MAGI3: variants seen among roughly 807,000 people sequenced by gnomAD.
MAGI3 encodes the protein membrane-associated guanylate kinase, WW and PDZ domain-containing protein 3.
Under a neutral mutation model 121.8 loss-of-function variants are expected in MAGI3, and 43 were observed. That is an observed-to-expected ratio of 0.35 (90% CI 0.28 to 0.46). The LOEUF is 0.46. Among genes scored for constraint, MAGI3 ranks in the 20% least tolerant of loss-of-function variants. MAGI3 has a pLI of 1.00. For synonymous variants in MAGI3, 553 were observed against 639.3 expected, an observed-to-expected ratio of 0.86 and a Z score of 2.04; for missense variants, 1,547 against 1,797.3, an observed-to-expected ratio of 0.86 and a Z score of 2.52.
chr1:113,556,827 A>G (rs1660012050), intron 2 of MAGI3, among the ~76,000 whole-genome samples: 1 of 151,982 alleles, frequency 6.6e-6, no homozygotes. Context: ...TGGCCTCCCA[A>G]AGTGTTGGAA....
In MAGI3 at chr1:113,683,510, A is replaced by G. The variant is rs1230435741; in HGVS notation, c.3942A>G (p.Arg1314=). The change falls in exon 21 of 21, where the codon CGA becomes CGG. Residue 1314 remains arginine, a synonymous_variant. Coordinates refer to ENST00000307546, the MANE Select transcript of MAGI3 (RefSeq NM_001142782.2). ...AEAKLLEGKS[R]RIAGYTGSNA... ...CCAAATTATTAGAGGGTAAGAGTCG[A>G]AGAATAGCAGGCTATACGGGCAGTA... 3 of 1,614,030 alleles carry G rather than the reference A, an allele frequency of 1.9e-6. No homozygotes were observed. Among genetic ancestry groups the G allele is most frequent in the South Asian group, 1.1e-5 (1 of 91,084 alleles).
chr1:113,419,326 C>G (rs1652615973), intron 1 of MAGI3, among the ~76,000 whole-genome samples: 2 of 152,026 alleles, frequency 1.3e-5, no homozygotes, highest in African/African-American at 4.8e-5. Flanking sequence ...CCTGGGGACT[C>G]TACAGGTTAA....
At chr1:113,575,205 A>G (rs1010134125) in intron 2 of MAGI3, among the ~76,000 whole-genome samples, 1 of 152,276 alleles carries the variant, frequency 6.6e-6, no homozygotes, top group South Asian at 2.1e-4. Flanking sequence ...CATCAAACTC[A>G]TTCTCTGTCC....
At chr1:113,666,129 C>T (rs910864113) in intron 16 of MAGI3, among the ~76,000 whole-genome samples, 2 of 152,128 alleles carry the variant, frequency 1.3e-5, no homozygotes, top group Admixed American at 6.5e-5. Flanking sequence ...GAGGGTCTTG[C>T]CTCGATGTTG....
chr1:113,564,458 G>A (rs1660356754), intron 2 of MAGI3, among the ~76,000 whole-genome samples: 1 of 152,156 alleles, frequency 6.6e-6, no homozygotes, highest in African/African-American at 2.4e-5. Flanking sequence ...AGAGAAACTG[G>A]CAAGATAAAA....
intron 1 of MAGI3, among the ~76,000 whole-genome samples, chr1:113,519,118 A>C (rs1324333408): frequency 6.6e-6 from 1 of 152,086 alleles, no homozygotes; most frequent in Non-Finnish European, 1.5e-5. Context: ...GGCTATTAAA[A>C]TGTAATATTT....
intron 1 of MAGI3, among the ~76,000 whole-genome samples, chr1:113,395,659 A>T (rs1040628184): frequency 6.6e-6 from 1 of 151,924 alleles, no homozygotes; most frequent in Non-Finnish European, 1.5e-5. Context: ...TATTATATGC[A>T]TATATGTATA....
At position 113,437,864 on chromosome 1, in the gene MAGI3, C is replaced by CTTCT. The variant is rs1557757106; in HGVS notation, c.316+46516_316+46517insTCTT. 6.1e-4 allele frequency among the ~76,000 whole-genome samples: 34 copies of CTTCT among 55,964 alleles called. 4 individuals are homozygous for CTTCT. The highest frequency in any genetic ancestry group is 4.2e-3 in the East Asian group (6 of 1,424). The allele number at this position is 55,964 out of a possible 152,430, so 36.7% of individuals were successfully genotyped here. ...CTTCTTCTTCTTCTTCTTCTTCTTC[C>CTTCT]TCTTCTTCTTCTTCTCCTTCTCCTT... On this transcript the variant is annotated intron_variant, in intron 1 of 20. Transcript: ENST00000307546.
At chr1:113,434,289 G>A (rs78987115) in intron 1 of MAGI3, among the ~76,000 whole-genome samples, 2 of 152,190 alleles carry the variant, frequency 1.3e-5, no homozygotes, top group South Asian at 4.1e-4. Flanking sequence ...ACACTGATAG[G>A]CCAGGCAAGG....
chr1:113,505,127 A>ATT (rs1657249405), intron 1 of MAGI3, among the ~76,000 whole-genome samples: 2 of 152,138 alleles, frequency 1.3e-5, no homozygotes, highest in African/African-American at 4.8e-5. Flanking sequence ...CAGGAGTAGG[A>ATT]AGGAAAAGGG....
intron 1 of MAGI3, chr1:113,403,926 ATCT>A (rs1452209104): frequency 6.6e-6 from 1 of 152,192 alleles, no homozygotes; most frequent in Non-Finnish European, 1.5e-5. Context: ...CCAGGCACTC[ATCT>A]TCTTAAACAT....
At chr1:113,442,209 T>A (rs1653953425) in intron 1 of MAGI3, among the ~76,000 whole-genome samples, 1 of 152,156 alleles carries the variant, frequency 6.6e-6, no homozygotes, top group Admixed American at 6.5e-5. Context: ...TACTTTACTG[T>A]GACAACTTTT....
In MAGI3 at chr1:113,683,188, A is replaced by C. The variant is rs773553087; in HGVS notation, c.3620A>C (p.Asn1207Thr). ...AGTCATGGGCACAGTAACAAGAAAAATCTATTAAAAGTAGAAAATGGTGTT... is the reference window on the plus strand; with the variant it reads ...AGTCATGGGCACAGTAACAAGAAAACTCTATTAAAAGTAGAAAATGGTGTT... Reference protein sequence around the residue: ...PSSHGHSNKKNLLKVENGVTR... With the variant: ...PSSHGHSNKKTLLKVENGVTR... Residue 1207 changes from asparagine (N) to threonine (T), a missense_variant, in exon 21 of 21, where the codon AAT (asparagine) becomes ACT (threonine). Asn to Thr is a moderately conservative substitution (Grantham distance 65). Transcript: ENST00000307546. 3.7e-6 allele frequency: 6 copies of C among 1,613,974 alleles called. 1 individual carries two copies. In the South Asian group the frequency reaches 4.4e-5, roughly 12 times the overall value.
intron 1 of MAGI3, among the ~76,000 whole-genome samples, chr1:113,507,155 G>C (rs1657373335): frequency 6.6e-6 from 1 of 152,018 alleles, no homozygotes; most frequent in Admixed American, 6.6e-5. Context: ...GGAGGGAAGA[G>C]AAAAGAAGAG....
At chr1:113,634,329 G>C (rs1352648435) in intron 9 of MAGI3, among the ~76,000 whole-genome samples, 12 of 152,098 alleles carry the variant, frequency 7.9e-5, no homozygotes. Context: ...TGTCCTGAAT[G>C]GTAATGCCTA....
chr1:113,472,466 G>T (rs557558435), intron 1 of MAGI3, among the ~76,000 whole-genome samples: 60 of 152,218 alleles, frequency 3.9e-4, no homozygotes, highest in African/African-American at 1.4e-3. Flanking sequence ...TTTAGTTGGA[G>T]AATTTAATCC....
intron 1 of MAGI3, among the ~76,000 whole-genome samples, chr1:113,446,978 G>A (rs1382921614): frequency 6.6e-6 from 1 of 152,206 alleles, no homozygotes; most frequent in Non-Finnish European, 1.5e-5. Flanking sequence ...AAGTAGTATG[G>A]TGGTTGCCAG....
At chr1:113,677,459 C>T (rs749463882) in intron 19 of MAGI3, among the ~76,000 whole-genome samples, 17 of 152,132 alleles carry the variant, frequency 1.1e-4, no homozygotes, top group Non-Finnish European at 2.2e-4. Context: ...GACCCTAGTC[C>T]GTCGTCCTCG....
At chr1:113,456,117 ATTTTTTT>A (rs35038942) in intron 1 of MAGI3, among the ~76,000 whole-genome samples, 14 of 113,224 alleles carry the variant, frequency 1.2e-4, no homozygotes, top group South Asian at 6.1e-4. Flanking sequence ...CGCCCGGCTA[ATTTTTTT>A]TTTTTTTTTT....
Sources: gnomAD v4.1 joint callset for allele counts (sites outside exome capture counted in the v4.1 genomes callset) on GRCh38, gnomAD v4.1.1 for gene constraint, MANE v1.5 for transcripts, NCBI Gene and HGNC (gene_info 2026-07-23, HGNC 2026-07-21) for gene names.